Variants in DOCK3 observed in about 807,000 individuals in gnomAD.
DOCK3 encodes the protein dedicator of cytokinesis protein 3.
In DOCK3, 60 loss-of-function variants were observed where a neutral mutation model predicts 265.6. The ratio of observed to expected loss-of-function variants is 0.23; its 90% CI spans 0.18 to 0.28. The LOEUF is 0.28. Ranked by LOEUF, DOCK3 falls within the 10% of genes least tolerant of loss-of-function variation. The pLI is 1.00. For missense variants in DOCK3, 1,981 were observed against 2,594.3 expected (o/e 0.76, Z 5.14); for synonymous variants, 881 against 938.0 (o/e 0.94, Z 1.11).
intron 4 of DOCK3, among the ~76,000 whole-genome samples, chr3:50,905,715 C>G (rs1252373678): frequency 2.0e-5 from 3 of 152,018 alleles, no homozygotes; most frequent in Non-Finnish European, 4.4e-5. Context: ...CAAACAGGGA[C>G]AATTTGACTT....
chr3:50,809,578 C>T (rs2043622116), intron 2 of DOCK3, among the ~76,000 whole-genome samples: 1 of 152,130 alleles, frequency 6.6e-6, no homozygotes, highest in African/African-American at 2.4e-5. Context: ...ATGAACCCAA[C>T]AGCAAAATAC....
At chr3:51,103,137 G>C (rs118175171) in intron 9 of DOCK3, among the ~76,000 whole-genome samples, 1 of 152,032 alleles carries the variant, frequency 6.6e-6, no homozygotes, top group Non-Finnish European at 1.5e-5. Flanking sequence ...TATATAAAAC[G>C]ATATCTTTTT....
Position 51,381,378 on chromosome 3 carries a change from C to G in DOCK3, c.5912C>G (p.Pro1971Arg). Residue 1971 changes from proline (P) to arginine (R), a missense_variant, in exon 53 of 53, where the codon CCT (proline) becomes CGT (arginine). By Grantham distance (103) the Pro-to-Arg change is moderately radical (BLOSUM62 -2). Around this residue, in one of 4 missense-constraint regions of DOCK3, gnomAD observed 149 missense variants for 144.7 expected, o/e 1.03. Transcript: ENST00000266037. This position sits in a 1 kb window ranked among gnomAD's most constrained non-coding sequence, Gnocchi z 5.6. The stretch of plus-strand genomic sequence containing the variant: ...ATCCCTCAGGACCCCATGGACCCGC[C>G]TGCGCTGCCGCCCAAGCCCTACCAC... ...CVIPQDPMDP[P>R]ALPPKPYHPR... 6.2e-7 allele frequency: 1 copy of G among 1,612,838 alleles called. No individual in the cohort carries two copies. Among genetic ancestry groups the G allele is most frequent in the Non-Finnish European group, 8.5e-7 (1 of 1,179,832 alleles).
chr3:50,712,227 G>T (rs193114455), intron 1 of DOCK3, among the ~76,000 whole-genome samples: 1 of 151,616 alleles, frequency 6.6e-6, no homozygotes, highest in East Asian at 1.9e-4. Flanking sequence ...CTTTTTTCCA[G>T]TTTCTTATGG....
chr3:50,889,075 G>GTGTA (rs2048506534), intron 3 of DOCK3, among the ~76,000 whole-genome samples: 1 of 141,418 alleles, frequency 7.1e-6, no homozygotes, highest in Non-Finnish European at 1.5e-5. Flanking sequence ...GGGTGTGTGT[G>GTGTA]TGTGTGTGTG....
intron 22 of DOCK3, among the ~76,000 whole-genome samples, chr3:51,259,753 C>T (rs1484706447): frequency 2.6e-5 from 4 of 152,148 alleles, no homozygotes; most frequent in African/African-American, 9.7e-5. Context: ...AGGACACTTC[C>T]TTCTTGCAGT....
At chr3:51,221,063 T>C (rs2090073301) in intron 14 of DOCK3, among the ~76,000 whole-genome samples, 1 of 152,100 alleles carries the variant, frequency 6.6e-6, no homozygotes, top group Admixed American at 6.6e-5. Flanking sequence ...CCAGAGTCAC[T>C]AGGATACAGG....
At chr3:50,888,610 A>G (rs1467998406) in intron 3 of DOCK3, among the ~76,000 whole-genome samples, 1 of 152,192 alleles carries the variant, frequency 6.6e-6, no homozygotes, top group Non-Finnish European at 1.5e-5. Flanking sequence ...ACTTCAAACT[A>G]TACTACAAGG....
intron 5 of DOCK3, among the ~76,000 whole-genome samples, chr3:51,038,662 A>G (rs2080363258): frequency 6.6e-6 from 1 of 152,160 alleles, no homozygotes; most frequent in Admixed American, 6.5e-5. Flanking sequence ...AACTTGGCAT[A>G]TTGTTTTGTT....
intron 49 of DOCK3, among the ~76,000 whole-genome samples, chr3:51,370,987 T>C (rs1007000215): frequency 6.6e-6 from 1 of 152,204 alleles, no homozygotes; most frequent in Non-Finnish European, 1.5e-5. Context: ...TCTCACAGCA[T>C]GGCAGCTGAT....
chr3:50,809,805 A>G (rs2043633895), intron 2 of DOCK3, among the ~76,000 whole-genome samples: 1 of 152,228 alleles, frequency 6.6e-6, no homozygotes, highest in Non-Finnish European at 1.5e-5. Context: ...TAGTGTTATT[A>G]TGATTTTGTG....
intron 49 of DOCK3, among the ~76,000 whole-genome samples, chr3:51,369,837 T>C (rs2087541823): frequency 6.6e-6 from 1 of 152,186 alleles, no homozygotes; most frequent in Non-Finnish European, 1.5e-5. Flanking sequence ...CAAGCCCTCA[T>C]TTCCAGGGCA....
chr3:51,362,105 C>A, intron 48 of DOCK3, 108 bp downstream of exon 48: 2 of 1,385,980 alleles, frequency 1.4e-6, no homozygotes, highest in Non-Finnish European at 1.9e-6. Flanking sequence ...AATTCTCTAG[C>A]TCCTGAATTC....
intron 1 of DOCK3, among the ~76,000 whole-genome samples, chr3:50,683,897 C>T (rs934227680): frequency 1.6e-4 from 23 of 140,974 alleles, no homozygotes; most frequent in Non-Finnish European, 3.1e-4. Context: ...CTCCTGACCT[C>T]AAGTGATCTG....
intron 1 of DOCK3, among the ~76,000 whole-genome samples, chr3:50,759,248 T>C (rs1328522051): frequency 4.6e-5 from 7 of 152,170 alleles, no homozygotes; most frequent in Admixed American, 4.6e-4. Flanking sequence ...AAAATAATTA[T>C]ATTTGATTAT....
chr3:51,111,930 G>A (rs888256914), intron 9 of DOCK3, among the ~76,000 whole-genome samples: 2 of 152,130 alleles, frequency 1.3e-5, no homozygotes, highest in Non-Finnish European at 2.9e-5. Context: ...AGACATACAC[G>A]TGGCCAAGAA....
At chr3:50,958,861 G>A (rs1293501205) in intron 5 of DOCK3, among the ~76,000 whole-genome samples, 2 of 152,246 alleles carry the variant, frequency 1.3e-5, no homozygotes, top group African/African-American at 4.8e-5. Context: ...TGAGATATGT[G>A]TTTCACATTT....
chr3:51,261,167 G>A (rs562611094), intron 23 of DOCK3, among the ~76,000 whole-genome samples: 14 of 151,964 alleles, frequency 9.2e-5, no homozygotes, highest in Middle Eastern at 3.4e-3. Context: ...AGCTCCCAGC[G>A]AGATCAACAC....
chr3:51,190,728 G>A (rs2087890988), intron 12 of DOCK3, among the ~76,000 whole-genome samples: 1 of 152,146 alleles, frequency 6.6e-6, no homozygotes, highest in Admixed American at 6.5e-5. Flanking sequence ...TCAGGTGAGG[G>A]GTGAGGCTAG....
Sources: allele counts gnomAD v4.1 joint callset (sites outside exome capture counted in the v4.1 genomes callset), GRCh38; gene constraint gnomAD v4.1.1; regional missense constraint gnomAD v4.1.1; non-coding constraint Gnocchi (gnomAD v3.1); transcripts MANE v1.5; gene names NCBI Gene and HGNC (gene_info 2026-07-23, HGNC 2026-07-21).